The following ANKRD30BL variants were observed in gnomAD, a reference collection of about 807,000 sequenced individuals.
The protein encoded by ANKRD30BL is putative ankyrin repeat domain-containing protein 30B-like.
Under a neutral mutation model 18.4 loss-of-function variants are expected in ANKRD30BL, and 20 were observed. That is an observed-to-expected ratio of 1.09 (90% CI 0.77 to 1.58). The LOEUF is 1.58. Among genes scored for constraint, ANKRD30BL ranks in the 40% most tolerant of loss-of-function variants. ANKRD30BL has a pLI of 0.00. For missense variants in ANKRD30BL, 224 were observed against 268.6 expected (o/e 0.83, Z 1.16); for synonymous variants, 72 against 100.9 (o/e 0.71, Z 1.72).
chr2:132,192,784 T>G (rs1678887696), intron 1 of ANKRD30BL, among the ~76,000 whole-genome samples: 1 of 152,208 alleles, frequency 6.6e-6, no homozygotes, highest in South Asian at 2.1e-4. Context: ...GTAGTTGCAT[T>G]GCACCCCTAT....
intron 4 of ANKRD30BL, chr2:132,152,595 A>T (rs982116791): frequency 2.0e-5 from 3 of 152,318 alleles, no homozygotes; most frequent in African/African-American, 7.2e-5. Context: ...GGGAAAGATG[A>T]CATGGGATTT....
chr2:132,242,240 G>C (rs1157735099), intron 1 of ANKRD30BL, among the ~76,000 whole-genome samples: 2 of 151,600 alleles, frequency 1.3e-5, no homozygotes, highest in Admixed American at 1.3e-4. Context: ...AAACTACTTT[G>C]TGAGGTTTGC....
rs540270507 is a variant in ANKRD30BL at position 132,205,058 on chromosome 2, A to C, written n.442-47912T>G. 2.9e-3 allele frequency among the ~76,000 whole-genome samples: 448 copies of C among 152,350 alleles called. 5 individuals are homozygous for C. Among genetic ancestry groups the C allele is most frequent in the African/African-American group, 0.01 (423 of 41,588 alleles). ...AAAGTGCTGTGGGAATTTTATACAC[A>C]TATGAATACAACTCGCAAAACACAC... is the stretch of plus-strand genomic sequence containing the variant. On this transcript the variant is annotated intron_variant and non_coding_transcript_variant, in intron 1 of 4. Coordinates refer to the ANKRD30BL transcript ENST00000470729.
At chr2:132,246,368 G>A (rs371600128) in intron 1 of ANKRD30BL, among the ~76,000 whole-genome samples, 1 of 151,928 alleles carries the variant, frequency 6.6e-6, no homozygotes, top group Non-Finnish European at 1.5e-5. Context: ...TCACAGAGTT[G>A]AACTTTTCTT....
intron 1 of ANKRD30BL, among the ~76,000 whole-genome samples, chr2:132,243,229 A>G (rs1680387102): frequency 6.6e-6 from 1 of 151,604 alleles, no homozygotes; most frequent in East Asian, 1.9e-4. Context: ...ATCCTCACAT[A>G]ACAAATAGGC....
intron 1 of ANKRD30BL, among the ~76,000 whole-genome samples, chr2:132,234,633 A>C (rs114611013): frequency 0.17 from 26,229 of 152,056 alleles, 5,004 homozygotes; most frequent in African/African-American, 0.48. Flanking sequence ...CAAGACTAAA[A>C]CAGGAAGGAG....
At chr2:132,208,622 T>A (rs1679256530) in intron 1 of ANKRD30BL, among the ~76,000 whole-genome samples, 1 of 151,872 alleles carries the variant, frequency 6.6e-6, no homozygotes. Context: ...TTTCAGCTAT[T>A]TACCATTTAT....
At chr2:132,221,355 T>G in intron 1 of ANKRD30BL, among the ~76,000 whole-genome samples, 1 of 127,588 alleles carries the variant, frequency 7.8e-6, no homozygotes, top group Non-Finnish European at 1.6e-5. Flanking sequence ...AGCCGCCCAG[T>G]CCGGGAGGGG....
upstream of ANKRD30BL, chr2:132,162,015 C>A (rs1688086218): frequency 3.5e-6 from 1 of 286,230 alleles, no homozygotes; most frequent in Non-Finnish European, 6.7e-6. Context: ...ACCGCCCTGG[C>A]TGCGCTTCGC....
chr2:132,224,609 G>A (rs1679790893), intron 1 of ANKRD30BL, among the ~76,000 whole-genome samples: 1 of 152,092 alleles, frequency 6.6e-6, no homozygotes. Context: ...GACATTTTGA[G>A]AGCTTTGTGG....
At chr2:132,223,500 T>C (rs61972086) in intron 1 of ANKRD30BL, among the ~76,000 whole-genome samples, 2 of 151,746 alleles carry the variant, frequency 1.3e-5, no homozygotes, top group Non-Finnish European at 2.9e-5. Flanking sequence ...TTTGTGATAT[T>C]TGTATTCAAC....
intron 1 of ANKRD30BL, 97 bp from the exon 2 acceptor site, chr2:132,157,520 C>T (rs1414530972): frequency 2.2e-6 from 1 of 452,826 alleles, no homozygotes; most frequent in African/African-American, 2.0e-5. Flanking sequence ...CATGCTCTTT[C>T]TCTGCCTTCA....
intron 1 of ANKRD30BL, among the ~76,000 whole-genome samples, chr2:132,232,471 A>G (rs528160115): frequency 6.6e-6 from 1 of 152,236 alleles, no homozygotes; most frequent in South Asian, 2.1e-4. Flanking sequence ...TAGAATAACC[A>G]ATAGAGAGAA....
At chr2:132,168,900 GA>G (rs34392915) in intron 1 of ANKRD30BL, among the ~76,000 whole-genome samples, 23,017 of 144,302 alleles carry the variant, frequency 0.16, 2,528 homozygotes, top group East Asian at 0.47. Flanking sequence ...AGAAAAATAA[GA>G]AAAAAAAACA....
chr2:132,235,499 A>G (rs1680130362), intron 1 of ANKRD30BL, among the ~76,000 whole-genome samples: 1 of 152,178 alleles, frequency 6.6e-6, no homozygotes, highest in Non-Finnish European at 1.5e-5. Flanking sequence ...GTCTCAGGAT[A>G]CAAAATCAAT....
chr2:132,207,700 T>C (rs989033710), intron 1 of ANKRD30BL, among the ~76,000 whole-genome samples: 3 of 152,010 alleles, frequency 2.0e-5, no homozygotes, highest in African/African-American at 7.2e-5. Context: ...GACTTTTTCC[T>C]CCTCAGGAAT....
At chr2:132,223,828 G>C (rs200011115) in intron 1 of ANKRD30BL, among the ~76,000 whole-genome samples, 1 of 151,916 alleles carries the variant, frequency 6.6e-6, no homozygotes, top group Admixed American at 6.6e-5. Flanking sequence ...TTCTCAGAAA[G>C]TCATTTGCTA....
rs573754402 is a variant in ANKRD30BL at position 132,206,195 on chromosome 2, C to T, written n.442-49049G>A. On this transcript the variant is annotated intron_variant and non_coding_transcript_variant, in intron 1 of 4. Coordinates refer to the ANKRD30BL transcript ENST00000470729. ...GAGAAGAGAAGAAAGAAAAGAAGGA[C>T]GGAAGGGATTTTAAAAAGAGATGAG... is the stretch of plus-strand genomic sequence containing the variant. Among the ~76,000 whole-genome samples the T allele has an allele frequency of 2.0e-3, 305 of 151,754 alleles. 1 individual carries two copies. Among genetic ancestry groups the T allele is most frequent in the African/African-American group, 6.8e-3 (282 of 41,350 alleles).
chr2:132,233,515 A>G (rs1334139396), intron 1 of ANKRD30BL, among the ~76,000 whole-genome samples: 74 of 145,388 alleles, frequency 5.1e-4, no homozygotes, highest in African/African-American at 1.8e-3. Flanking sequence ...TGGAAAACAA[A>G]AAAAGGCAGG....
Sources: gnomAD v4.1 joint callset for allele counts (sites outside exome capture counted in the v4.1 genomes callset) on GRCh38, gnomAD v4.1.1 for gene constraint, MANE v1.5 for transcripts, NCBI Gene and HGNC (gene_info 2026-07-23, HGNC 2026-07-21) for gene names.